Variants in FGF13 observed in about 807,000 individuals in gnomAD.
FGF13 encodes the protein fibroblast growth factor homologous factor 2.
Under a neutral mutation model 19.5 loss-of-function variants are expected in FGF13, and 2 were observed. The ratio of observed to expected loss-of-function variants is 0.10; its 90% CI spans 0.04 to 0.32. The LOEUF (loss-of-function observed/expected upper bound fraction) is 0.32. Among genes scored for constraint, FGF13 ranks in the 10% least tolerant of loss-of-function variants. The pLI is 1.00. For missense variants in FGF13, 113 were observed against 192.7 expected (o/e 0.59, Z 2.45); for synonymous variants, 72 against 76.9 (o/e 0.94, Z 0.33).
chrX:139,129,556 A>G (rs2124477356), intron 1 of FGF13, among the ~76,000 whole-genome samples: 1 of 111,818 alleles, frequency 8.9e-6, no homozygotes. Context: ...AGGCCCCAAA[A>G]GATGACAGAT....
intron 1 of FGF13, among the ~76,000 whole-genome samples, chrX:138,905,151 C>T (rs762729050): frequency 9.0e-6 from 1 of 111,103 alleles, no homozygotes; most frequent in East Asian, 2.8e-4. Flanking sequence ...ATTCTTGGGA[C>T]AGGGACCTTA....
At chrX:138,909,750 A>G (rs185326785) in intron 1 of FGF13, among the ~76,000 whole-genome samples, 57 of 112,036 alleles carry the variant, frequency 5.1e-4, no homozygotes, top group Non-Finnish European at 1.5e-4. Context: ...TTCTGCATCC[A>G]TAAAAGGGAG....
At chrX:138,843,741 T>C (rs2091164461) in intron 3 of FGF13, among the ~76,000 whole-genome samples, 1 of 111,836 alleles carries the variant, frequency 8.9e-6, no homozygotes, top group Non-Finnish European at 1.9e-5. Context: ...AGAATTTTTT[T>C]CCCAAACACT....
At chrX:138,852,952 GA>G (rs1293999251), downstream of FGF13, among the ~76,000 whole-genome samples, 7 of 104,601 alleles carry the variant, frequency 6.7e-5, no homozygotes, top group South Asian at 4.1e-4. Context: ...AAACACATTA[GA>G]AAAAAAAAAG....
At chrX:138,762,298 G>A (rs1360173633) in intron 3 of FGF13, among the ~76,000 whole-genome samples, 2 of 111,025 alleles carry the variant, frequency 1.8e-5, no homozygotes, top group Non-Finnish European at 3.8e-5. Flanking sequence ...GTATGTGGAA[G>A]AATTTCATAG....
Position 138,991,805 on chromosome X carries a change from G to A in FGF13, c.-112-127155C>T, listed in dbSNP as rs1030251446. 7.2e-5 allele frequency among the ~76,000 whole-genome samples: 8 copies of A among 111,561 alleles called. No individual in the cohort carries two copies. The East Asian group carries it at 8.5e-4, about 12-fold the overall frequency. ...TGACCTCCAGAAACATCATCGTAAC[G>A]CAGCCTTCTCCCAAATATCACCAGA... On this transcript the variant is annotated intron_variant, in intron 1 of 2. Transcript: ENST00000421460.
At chrX:138,690,575 T>A (rs1329366929) in intron 3 of FGF13, among the ~76,000 whole-genome samples, 2 of 110,608 alleles carry the variant, frequency 1.8e-5, no homozygotes. Context: ...TTATCCTACA[T>A]CATTTCTTGA....
chrX:139,004,017 G>C (rs145109066), intron 1 of FGF13, among the ~76,000 whole-genome samples: 1 of 112,452 alleles, frequency 8.9e-6, no homozygotes, highest in Non-Finnish European at 1.9e-5. Flanking sequence ...GTACTGCGCC[G>C]TGCACTCGCA....
intron 1 of FGF13, among the ~76,000 whole-genome samples, chrX:139,051,703 T>C (rs959518420): frequency 2.7e-5 from 3 of 112,846 alleles, no homozygotes; most frequent in Non-Finnish European, 5.6e-5. Flanking sequence ...AGTCTCCTGA[T>C]TCCCAGTCAA....
At chrX:139,003,885 T>C (rs966562519) in intron 1 of FGF13, among the ~76,000 whole-genome samples, 3 of 112,186 alleles carry the variant, frequency 2.7e-5, no homozygotes, top group Non-Finnish European at 3.8e-5. Flanking sequence ...AGGGTGCTGA[T>C]TGGTGTGTTT....
chrX:139,072,009 C>CAAA (rs547217409), intron 1 of FGF13, among the ~76,000 whole-genome samples: 259 of 24,219 alleles, frequency 0.011, 14 homozygotes, highest in Non-Finnish European at 0.012. Flanking sequence ...GATTCCATCT[C>CAAA]AAAAAAAAAA....
Position 138,635,490 on chromosome X carries a change from G to C in FGF13, c.568C>G (p.Pro190Ala), listed in dbSNP as rs746354218. 2 of 1,211,531 alleles carry C rather than the reference G, an allele frequency of 1.7e-6. No individual in the cohort carries two copies. The highest frequency in any genetic ancestry group is 5.9e-5 in the East Asian group (2 of 33,830). ...MKGNHVKKNK[P>A]AAHFLPKPLK... ...GGTTTAGGCAGAAAATGAGCTGCAG[G>C]CTTGTTCTTCTTCACATGGTTGCCT... The change falls in exon 4 of 5, where the codon CCT (proline) becomes GCT (alanine). Residue 190 changes from proline (P) to alanine (A), a missense_variant. Transcript: ENST00000315930.
At chrX:138,678,052 C>A (rs919422541) in intron 3 of FGF13, among the ~76,000 whole-genome samples, 1 of 111,675 alleles carries the variant, frequency 9.0e-6, no homozygotes, top group African/African-American at 3.3e-5. Flanking sequence ...AATTAGAAAT[C>A]ATCATTCTCA....
intron 3 of FGF13, among the ~76,000 whole-genome samples, chrX:138,755,120 C>A (rs1423936777): frequency 1.8e-5 from 2 of 111,924 alleles, no homozygotes; most frequent in East Asian, 5.6e-4. Context: ...ACTATACACT[C>A]ATCACATTTC....
upstream of FGF13, among the ~76,000 whole-genome samples, chrX:138,743,590 G>T (rs751006359): frequency 1.3e-4 from 15 of 111,442 alleles, no homozygotes; most frequent in Admixed American, 9.5e-4. Context: ...ACTCCAGTGG[G>T]TGGATATTTC....
intron 1 of FGF13, among the ~76,000 whole-genome samples, chrX:139,120,938 C>G (rs910158990): frequency 3.6e-5 from 4 of 112,592 alleles, no homozygotes; most frequent in African/African-American, 6.4e-5. Context: ...GTTACTCATT[C>G]TTAAACCATA....
Position 138,861,408 on chromosome X carries a change from T to G in FGF13, c.-39+3169A>C, listed in dbSNP as rs145696582. On this transcript the variant is annotated intron_variant, in intron 2 of 2. Coordinates refer to the FGF13 transcript ENST00000421460. ...ATTTGAAGCTAAATAAGTTAATCAT[T>G]TATCTTTCCTATATTTAGAATGTTT... Among the ~76,000 whole-genome samples, 1,006 of 112,545 alleles carry G rather than the reference T, an allele frequency of 8.9e-3. 10 individuals are homozygous for G. Among genetic ancestry groups the G allele is most frequent in the African/African-American group, 0.031 (971 of 31,025 alleles).
chrX:139,121,898 G>T (rs975021786), intron 1 of FGF13, among the ~76,000 whole-genome samples: 2 of 111,162 alleles, frequency 1.8e-5, no homozygotes, highest in Non-Finnish European at 3.8e-5. Context: ...TGTGGTTTCT[G>T]CAGGAAGACA....
chrX:138,998,483 G>A (rs961279473), intron 1 of FGF13, among the ~76,000 whole-genome samples: 1 of 93,514 alleles, frequency 1.1e-5, no homozygotes, highest in African/African-American at 3.9e-5. Flanking sequence ...AGGCATGGAG[G>A]ATGATTTACC....
Sources: allele counts gnomAD v4.1 joint callset (sites outside exome capture counted in the v4.1 genomes callset), GRCh38; gene constraint gnomAD v4.1.1; transcripts MANE v1.5; gene names NCBI Gene and HGNC (gene_info 2026-07-23, HGNC 2026-07-21).